Variants in EPB41L5 observed in about 807,000 individuals in gnomAD.
EPB41L5 encodes erythrocyte membrane protein band 4.1 like 5.
A neutral mutation model predicts 106.6 loss-of-function variants in EPB41L5; 55 were observed. The observed-to-expected ratio is 0.52, with a 90% confidence interval of 0.42 to 0.65. The LOEUF (loss-of-function observed/expected upper bound fraction) is 0.65, where lower values mean the gene tolerates loss of function less well. EPB41L5 is among the 30% of genes least tolerant of loss of function. The pLI, the probability that EPB41L5 is intolerant of heterozygous loss-of-function variation, is 0.00. For synonymous variants in EPB41L5, 297 were observed against 306.7 expected, an observed-to-expected ratio of 0.97 and a Z score of 0.33; for missense variants, 871 against 882.1, an observed-to-expected ratio of 0.99 and a Z score of 0.16.
rs779166472 is a variant in EPB41L5, at chr2:120,073,210, G to A, written c.318G>A (p.Lys106=). 1 of 1,609,036 alleles carries A rather than the reference G, an allele frequency of 6.2e-7. No individual in the cohort carries two copies. The highest frequency in any genetic ancestry group is 8.5e-7 in the Non-Finnish European group (1 of 1,178,842). The change falls in exon 4 of 25, where the codon AAG becomes AAA. Residue 106 remains lysine (K), a synonymous_variant. Coordinates refer to ENST00000263713, the MANE Select transcript of EPB41L5 (RefSeq NM_020909.4). The part of the protein sequence containing the change: ...HWLDGTKSIK[K]QVKIGSPYCL... Reference sequence around the variant, plus strand: ...TGGATGGTACAAAAAGCATCAAAAAGCAAGTAAAAAGTAAGTGCAGACAAA... The same window carrying A: ...TGGATGGTACAAAAAGCATCAAAAAACAAGTAAAAAGTAAGTGCAGACAAA...
At chr2:120,115,902 G>A (rs953853467) in intron 16 of EPB41L5, among the ~76,000 whole-genome samples, 31 of 151,948 alleles carry the variant, frequency 2.0e-4, no homozygotes, top group African/African-American at 6.5e-4. Flanking sequence ...CTCTGCCTCC[G>A]AGGTTCAGGC....
chr2:120,029,592 C>A (rs1678569358), intron 2 of EPB41L5, among the ~76,000 whole-genome samples: 1 of 152,062 alleles, frequency 6.6e-6, no homozygotes, highest in Non-Finnish European at 1.5e-5. Flanking sequence ...CTATAATACA[C>A]CTGTTGTTGT....
chr2:120,016,941 T>C (rs1177704103), intron 1 of EPB41L5, among the ~76,000 whole-genome samples: 2 of 152,362 alleles, frequency 1.3e-5, no homozygotes, highest in Non-Finnish European at 1.5e-5. Context: ...TGGAAAGTTA[T>C]CTAACTAAAA....
intron 2 of EPB41L5, among the ~76,000 whole-genome samples, chr2:120,031,215 C>T (rs1574488076): frequency 6.6e-6 from 1 of 152,346 alleles, no homozygotes; most frequent in East Asian, 1.9e-4. Flanking sequence ...AATGCTCAGG[C>T]TGATTTGAGT....
At chr2:120,023,787 C>T (rs1678108436) in intron 2 of EPB41L5, among the ~76,000 whole-genome samples, 1 of 152,194 alleles carries the variant, frequency 6.6e-6, no homozygotes, top group African/African-American at 2.4e-5. Context: ...TGGCCATTTT[C>T]ATGATATTGA....
intron 17 of EPB41L5, among the ~76,000 whole-genome samples, chr2:120,130,589 G>C (rs937353556): frequency 6.6e-6 from 1 of 152,214 alleles, no homozygotes; most frequent in Non-Finnish European, 1.5e-5. Context: ...TAAGTAAATG[G>C]ACAGGAAAGA....
chr2:120,139,356 C>T (rs992289930), intron 18 of EPB41L5, among the ~76,000 whole-genome samples: 2 of 151,880 alleles, frequency 1.3e-5, no homozygotes, highest in Non-Finnish European at 2.9e-5. Flanking sequence ...AGTTCCTGCA[C>T]AGCAAAGGAA....
At chr2:120,151,868 C>T (rs763429155) in intron 20 of EPB41L5, among the ~76,000 whole-genome samples, 7 of 152,134 alleles carry the variant, frequency 4.6e-5, no homozygotes, top group Admixed American at 1.3e-4. Flanking sequence ...CGGCCCGCCT[C>T]GGCCTCCCAA....
intron 3 of EPB41L5, among the ~76,000 whole-genome samples, chr2:120,043,472 G>A (rs1445358914): frequency 2.6e-5 from 4 of 151,852 alleles, no homozygotes; most frequent in South Asian, 2.1e-4. Context: ...GCTTGAACCC[G>A]GGAGGCAGAG....
At chr2:120,080,450 T>C (rs1398935930) in intron 10 of EPB41L5, among the ~76,000 whole-genome samples, 1 of 152,248 alleles carries the variant, frequency 6.6e-6, no homozygotes, top group Non-Finnish European at 1.5e-5. Context: ...TCCTTTTTTA[T>C]GGCTGCATAG....
intron 1 of EPB41L5, 97 bp from the exon 2 acceptor site, chr2:120,018,980 T>TCAC (rs1390392290): frequency 2.0e-5 from 22 of 1,081,206 alleles, no homozygotes; most frequent in Non-Finnish European, 2.8e-5. Context: ...CTACTAATGT[T>TCAC]CACAGGACTT....
At position 120,175,281 on chromosome 2, in the gene EPB41L5, C is replaced by T. The variant is rs1000041403; in HGVS notation, c.*374C>T. On this transcript the variant is annotated 3_prime_UTR_variant, in exon 25 of 25. Transcript: ENST00000263713. ...CTGGTAGTCAACAGCCTTTTGAAAG[C>T]TATTTCCATCTAGTATCAGGGTGAG... is the stretch of plus-strand genomic sequence containing the variant. The T allele has an allele frequency of 4.9e-6, 1 of 202,522 alleles. No individual in the cohort carries two copies. The highest frequency in any genetic ancestry group is 2.3e-5 in the African/African-American group (1 of 43,878). The allele number at this position is 202,522 out of a possible 1,614,324, so 12.5% of individuals were successfully genotyped here.
chr2:120,024,104 A>G (rs1678134004), intron 2 of EPB41L5, among the ~76,000 whole-genome samples: 1 of 152,204 alleles, frequency 6.6e-6, no homozygotes, highest in East Asian at 1.9e-4. Context: ...TTCTAGATAT[A>G]CAATCATGTC....
intron 2 of EPB41L5, among the ~76,000 whole-genome samples, chr2:120,037,214 A>T (rs1385900983): frequency 6.6e-6 from 1 of 152,182 alleles, no homozygotes; most frequent in East Asian, 1.9e-4. Context: ...TTAACCAAGG[A>T]GGCAAAAGAC....
At chr2:120,097,022 G>A (rs1425901532) in intron 14 of EPB41L5, among the ~76,000 whole-genome samples, 1 of 152,158 alleles carries the variant, frequency 6.6e-6, no homozygotes, top group African/African-American at 2.4e-5. Flanking sequence ...TGCAAAATAG[G>A]AGGTTTTTCT....
chr2:120,099,027 G>A (rs938822042), intron 14 of EPB41L5, among the ~76,000 whole-genome samples: 1 of 152,236 alleles, frequency 6.6e-6, no homozygotes, highest in Non-Finnish European at 1.5e-5. Flanking sequence ...CGGGGTACCC[G>A]AAGTATTCTT....
rs185028986 is a variant in EPB41L5, at chr2:120,139,519, A to G, written c.1600-3484A>G. Among the ~76,000 whole-genome samples the G allele has an allele frequency of 2.3e-3, 351 of 152,202 alleles. 2 individuals are homozygous for G. The highest frequency in any genetic ancestry group is 3.4e-3 in the Middle Eastern group (1 of 294). ...AATCTGATTTTAAAATGGGCAAAAA[A>G]TCTGAATAGACATTTCCCAAAAGAA... On this transcript the variant is annotated intron_variant, in intron 18 of 24. Transcript: ENST00000263713.
intron 3 of EPB41L5, among the ~76,000 whole-genome samples, chr2:120,064,090 C>T (rs1279555024): frequency 6.6e-6 from 1 of 152,106 alleles, no homozygotes. Flanking sequence ...AAAGTAGTCA[C>T]TCAGGAAGTT....
At chr2:120,126,829 G>A (rs1053153694) in intron 16 of EPB41L5, among the ~76,000 whole-genome samples, 20 of 152,264 alleles carry the variant, frequency 1.3e-4, no homozygotes, top group South Asian at 2.1e-4. Context: ...CTGGGATTTC[G>A]ATAGTGAATA....
Sources: allele counts gnomAD v4.1 joint callset (sites outside exome capture counted in the v4.1 genomes callset), GRCh38; gene constraint gnomAD v4.1.1; transcripts MANE v1.5; gene names NCBI Gene and HGNC (gene_info 2026-07-23, HGNC 2026-07-21).